SNX14: variants seen among roughly 807,000 people sequenced by gnomAD.
SNX14 encodes sorting nexin 14, also known as sorting nexin-14.
In SNX14, 93 loss-of-function variants were observed where a neutral mutation model predicts 133.8. That is an observed-to-expected ratio of 0.70 (90% CI 0.59 to 0.83). The LOEUF is 0.83. Ranked by LOEUF, SNX14 falls within the 40% of genes least tolerant of loss-of-function variation. The pLI, the probability that SNX14 is intolerant of heterozygous loss-of-function variation, is 0.00. For missense variants in SNX14, 945 were observed against 1,094.9 expected, an observed-to-expected ratio of 0.86 and a Z score of 1.93; for synonymous variants, 368 against 365.6, an observed-to-expected ratio of 1.01 and a Z score of -0.07.
At chr6:85,574,682 T>C (rs1796762095) in intron 1 of SNX14, among the ~76,000 whole-genome samples, 1 of 152,212 alleles carries the variant, frequency 6.6e-6, no homozygotes, top group African/African-American at 2.4e-5. Context: ...GTAGTATTCA[T>C]ATCCCAACAA....
intron 1 of SNX14, among the ~76,000 whole-genome samples, chr6:85,587,241 TTA>T (rs1303320195): frequency 6.6e-6 from 1 of 152,034 alleles, no homozygotes; most frequent in African/African-American, 2.4e-5. Context: ...TGGATAGTTG[TTA>T]AAGTTGAGTA....
In SNX14 at chr6:85,525,633, A is replaced by C. The variant is rs561208070; in HGVS notation, c.2107+493T>G. ...CTAAATAACTACTACAAGTGACCCAAAAATTAGGTTTTAAGGAATATTTGT... is the reference window on the plus strand; with the variant it reads ...CTAAATAACTACTACAAGTGACCCACAAATTAGGTTTTAAGGAATATTTGT... On this transcript the variant is annotated intron_variant, in intron 21 of 28. Coordinates refer to ENST00000314673, the MANE Select transcript of SNX14 (RefSeq NM_153816.6). Among the ~76,000 whole-genome samples the C allele has an allele frequency of 2.8e-3, 420 of 152,286 alleles. 5 individuals carry two copies. Among genetic ancestry groups the C allele is most frequent in the Non-Finnish European group, 3.2e-3 (216 of 67,974 alleles).
chr6:85,535,033 T>C (rs887235642), intron 17 of SNX14, among the ~76,000 whole-genome samples: 2 of 150,466 alleles, frequency 1.3e-5, no homozygotes, highest in Non-Finnish European at 3.0e-5. Context: ...CCATACTTTT[T>C]TTTTTTTTTT....
intron 25 of SNX14, 44 bp from the exon 26 acceptor site, chr6:85,513,939 T>A (rs777292039): frequency 6.4e-7 from 1 of 1,574,222 alleles, no homozygotes; most frequent in South Asian, 1.2e-5. Flanking sequence ...TTTCATCTAT[T>A]TATACACAAA....
At chr6:85,556,741 C>A (rs1789941200) in intron 7 of SNX14, among the ~76,000 whole-genome samples, 1 of 151,986 alleles carries the variant, frequency 6.6e-6, no homozygotes, top group Admixed American at 6.6e-5. Context: ...GCATGAGCCA[C>A]CATGCTCACC....
At chr6:85,548,234 G>A (rs1485837647) in intron 9 of SNX14, 67 bp downstream of exon 9, 7 of 1,171,946 alleles carry the variant, frequency 6.0e-6, no homozygotes, top group African/African-American at 3.2e-5. Context: ...ACATAAAAAT[G>A]TTTAAGATAC....
At chr6:85,546,451 C>A (rs994936803) in intron 12 of SNX14, among the ~76,000 whole-genome samples, 1 of 152,022 alleles carries the variant, frequency 6.6e-6, no homozygotes, top group African/African-American at 2.4e-5. Flanking sequence ...ATGAGGTATT[C>A]TTATATTTGA....
At chr6:85,514,344 A>T in intron 24 of SNX14, 110 bp from the exon 25 acceptor site, 1 of 1,458,684 alleles carries the variant, frequency 6.9e-7, no homozygotes, top group Middle Eastern at 1.8e-4. Context: ...ATTTGTAAAC[A>T]CTAGCAACTT....
At chr6:85,526,062 TTAA>T (rs1778391642) in intron 21 of SNX14, 61 bp downstream of exon 21, 1 of 1,095,440 alleles carries the variant, frequency 9.1e-7, no homozygotes, top group African/African-American at 1.6e-5. Context: ...TTTTTCTAAG[TTAA>T]TCTGAAAATG....
chr6:85,533,479 T>C (rs1286660459), intron 18 of SNX14, 120 bp downstream of exon 18: 2 of 902,074 alleles, frequency 2.2e-6, no homozygotes, highest in African/African-American at 3.4e-5. Context: ...TTCTGGACAC[T>C]TCTCTTTTGG....
At chr6:85,506,358 C>A (rs1447365342) in intron 28 of SNX14, among the ~76,000 whole-genome samples, 1 of 151,796 alleles carries the variant, frequency 6.6e-6, no homozygotes, top group East Asian at 1.9e-4. Context: ...ACTCTGTCAC[C>A]CAGGCTGGAG....
At chr6:85,558,936 G>A (rs1453513729) in intron 6 of SNX14, among the ~76,000 whole-genome samples, 4 of 146,428 alleles carry the variant, frequency 2.7e-5, no homozygotes, top group Non-Finnish European at 3.0e-5. Flanking sequence ...CAGAAAACAG[G>A]AAAAAAAAAA....
At chr6:85,523,485 A>C (rs769317046) in intron 21 of SNX14, among the ~76,000 whole-genome samples, 1 of 152,184 alleles carries the variant, frequency 6.6e-6, no homozygotes, top group African/African-American at 2.4e-5. Context: ...AACTAAAAAC[A>C]TGTGTAAGGC....
intron 20 of SNX14, among the ~76,000 whole-genome samples, 185 bp downstream of exon 20, chr6:85,528,077 G>C (rs980337874): frequency 2.6e-5 from 4 of 151,876 alleles, no homozygotes; most frequent in Admixed American, 6.6e-5. Flanking sequence ...CAATTTGGAG[G>C]GAGGGTAAGT....
chr6:85,533,233 C>T (rs73481358), intron 18 of SNX14, among the ~76,000 whole-genome samples: 1,923 of 152,184 alleles, frequency 0.013, 38 homozygotes, highest in African/African-American at 0.044. Context: ...TGAGAGAAAA[C>T]GCTGTCTTAA....
chr6:85,522,825 A>G (rs9353319), intron 21 of SNX14, among the ~76,000 whole-genome samples: 18,105 of 152,132 alleles, frequency 0.12, 1,660 homozygotes, highest in African/African-American at 0.26. Context: ...CTGTACCTTC[A>G]AGATACTCCA....
At chr6:85,569,241 C>T (rs140866712) in intron 4 of SNX14, among the ~76,000 whole-genome samples, 4,135 of 152,230 alleles carry the variant, frequency 0.027, 89 homozygotes, top group Non-Finnish European at 0.041. Context: ...GGATTACAGG[C>T]GTGAGCCAAC....
Position 85,511,768 on chromosome 6 carries a change from C to T in SNX14, c.2653+2032G>A, listed in dbSNP as rs142369363. Among the ~76,000 whole-genome samples the T allele has an allele frequency of 1.8e-3, 269 of 152,338 alleles. 4 individuals carry two copies. Among genetic ancestry groups the T allele is most frequent in the African/African-American group, 6.3e-3 (264 of 41,578 alleles). On this transcript the variant is annotated intron_variant, in intron 26 of 28. Coordinates refer to ENST00000314673, the MANE Select transcript of SNX14 (RefSeq NM_153816.6). ...GATAAATCCCACTTGGTGTATAATT[C>T]TAACATCCCTGCCATATCTGACTCT...
intron 2 of SNX14, 41 bp downstream of exon 2, chr6:85,574,217 C>T (rs376395467): frequency 3.4e-6 from 5 of 1,487,718 alleles, no homozygotes; most frequent in East Asian, 4.7e-5. Flanking sequence ...AGCTTAGGCT[C>T]ATATACATTG....
Sources: gnomAD v4.1 joint callset for allele counts (sites outside exome capture counted in the v4.1 genomes callset) on GRCh38, gnomAD v4.1.1 for gene constraint, MANE v1.5 for transcripts, NCBI Gene and HGNC (gene_info 2026-07-23, HGNC 2026-07-21) for gene names.